RIMS1: variants seen among roughly 807,000 people sequenced by gnomAD.
The protein encoded by RIMS1 is regulating synaptic membrane exocytosis protein 1.
RIMS1 carries 83 observed loss-of-function variants against 214.1 expected under a neutral mutation model. The ratio of observed to expected loss-of-function variants is 0.39; its 90% CI spans 0.32 to 0.47. The LOEUF (loss-of-function observed/expected upper bound fraction) is 0.47. RIMS1 is among the 20% of genes least tolerant of loss of function. RIMS1 has a pLI of 0.99. For synonymous variants in RIMS1, 793 were observed against 786.8 expected (o/e 1.01, Z -0.13); for missense variants, 2,050 against 2,161.8 (o/e 0.95, Z 1.03).
At chr6:72,232,066 T>G (rs1395398245) in intron 6 of RIMS1, among the ~76,000 whole-genome samples, 1 of 151,662 alleles carries the variant, frequency 6.6e-6, no homozygotes, top group Non-Finnish European at 1.5e-5. Flanking sequence ...TGTCATTTTT[T>G]TAAACTTCAA....
At chr6:72,095,240 G>A (rs1006024346) in intron 2 of RIMS1, among the ~76,000 whole-genome samples, 2 of 150,520 alleles carry the variant, frequency 1.3e-5, no homozygotes, top group Admixed American at 6.7e-5. Flanking sequence ...TGGGATTACA[G>A]GCGTGAGCCA....
chr6:72,168,905 G>A (rs1016318380), intron 4 of RIMS1, among the ~76,000 whole-genome samples: 1 of 151,870 alleles, frequency 6.6e-6, no homozygotes, highest in African/African-American at 2.4e-5. Flanking sequence ...CTGTAACAAG[G>A]GTAGGCTAAG....
chr6:71,981,393 G>C (rs1798443045), intron 2 of RIMS1, among the ~76,000 whole-genome samples: 2 of 151,998 alleles, frequency 1.3e-5, no homozygotes, highest in South Asian at 2.1e-4. Flanking sequence ...TTCAGGTCAG[G>C]ATTCATTGGC....
At chr6:72,202,853 A>G (rs910686498) in intron 6 of RIMS1, among the ~76,000 whole-genome samples, 5 of 152,142 alleles carry the variant, frequency 3.3e-5, no homozygotes, top group African/African-American at 9.7e-5. Flanking sequence ...CTCAAGTTCA[A>G]TCGTTTTAGA....
intron 2 of RIMS1, among the ~76,000 whole-genome samples, chr6:72,009,345 A>G (rs1371019594): frequency 6.6e-6 from 1 of 152,224 alleles, no homozygotes; most frequent in African/African-American, 2.4e-5. Context: ...GGAAATTTAT[A>G]GCAGTAAATG....
At chr6:72,265,347 T>C in intron 20 of RIMS1, 43 bp from the exon 21 acceptor site, 1 of 1,088,524 alleles carries the variant, frequency 9.2e-7, no homozygotes, top group East Asian at 2.6e-5. Context: ...ATTTTAATTA[T>C]AATTTATTTT....
chr6:71,986,190 G>GTTTTTTTTTTTTTTTTTTT (rs35395914), intron 2 of RIMS1, among the ~76,000 whole-genome samples: 1 of 131,782 alleles, frequency 7.6e-6, no homozygotes. Context: ...TTTGGGTTTT[G>GTTTTTTTTTTTTTTTTTTT]TTTTTTTTTT....
At chr6:72,237,735 C>A (rs1055843863) in intron 8 of RIMS1, 88 bp from the exon 9 acceptor site, 2 of 942,410 alleles carry the variant, frequency 2.1e-6, no homozygotes, top group African/African-American at 1.7e-5. Context: ...TCAAGTGTAT[C>A]ATAAAAGAAT....
At chr6:72,055,316 C>A (rs144349903) in intron 2 of RIMS1, among the ~76,000 whole-genome samples, 45 of 152,222 alleles carry the variant, frequency 3.0e-4, no homozygotes, top group African/African-American at 9.9e-4. Flanking sequence ...ATATTTATTT[C>A]TCACAAGTAC....
At chr6:71,956,062 G>A (rs1791178963) in intron 1 of RIMS1, among the ~76,000 whole-genome samples, 1 of 151,712 alleles carries the variant, frequency 6.6e-6, no homozygotes, top group Admixed American at 6.6e-5. Context: ...TTTCTCTATA[G>A]GTAAAAGAAG....
intron 2 of RIMS1, among the ~76,000 whole-genome samples, chr6:72,083,621 C>T (rs1833947635): frequency 6.6e-6 from 1 of 152,152 alleles, no homozygotes. Flanking sequence ...TACTCAGAAA[C>T]TTAAAAGCGA....
intron 1 of RIMS1, among the ~76,000 whole-genome samples, chr6:71,967,452 C>T (rs1030615623): frequency 3.9e-5 from 6 of 152,178 alleles, no homozygotes; most frequent in African/African-American, 9.6e-5. Context: ...TAAAGATTTT[C>T]GAATGCTTTG....
At chr6:72,352,597 G>A (rs1159929680) in intron 29 of RIMS1, among the ~76,000 whole-genome samples, 1 of 152,102 alleles carries the variant, frequency 6.6e-6, no homozygotes, top group Non-Finnish European at 1.5e-5. Context: ...ATAATTTGAG[G>A]CAGATGCTCA....
At chr6:72,002,278 T>C (rs1345363971) in intron 2 of RIMS1, among the ~76,000 whole-genome samples, 4 of 150,554 alleles carry the variant, frequency 2.7e-5, no homozygotes, top group Non-Finnish European at 5.9e-5. Context: ...TTACTAAGGC[T>C]CCAACAGGAG....
intron 33 of RIMS1, among the ~76,000 whole-genome samples, chr6:72,399,648 A>G (rs914208003): frequency 5.7e-5 from 8 of 140,320 alleles, no homozygotes; most frequent in Admixed American, 5.5e-4. Context: ...TAACATGTGC[A>G]ATAAGTATCA....
chr6:72,037,941 C>T (rs1357135414), intron 2 of RIMS1, among the ~76,000 whole-genome samples: 2 of 150,772 alleles, frequency 1.3e-5, no homozygotes, highest in Non-Finnish European at 3.0e-5. Context: ...CTGAACTGCA[C>T]CTCGAGTTGC....
At chr6:71,967,997 G>A (rs1407001984) in intron 1 of RIMS1, among the ~76,000 whole-genome samples, 1 of 152,102 alleles carries the variant, frequency 6.6e-6, no homozygotes, top group Non-Finnish European at 1.5e-5. Context: ...ATATGAGCAG[G>A]GTAGTCAAAT....
rs766715883 is a variant in RIMS1 at position 72,237,873 on chromosome 6, C to T, written c.1908C>T (p.Thr636=). 8 of 1,613,272 alleles carry T rather than the reference C, an allele frequency of 5.0e-6. 1 individual carries two copies. The South Asian group carries it at 8.8e-5, about 18-fold the overall frequency. ...TAGGACGACTTGGTGCTTTCATCAC[C>T]AAAGTAAAGAAGGGTAGCCTAGCAG... is the stretch of plus-strand genomic sequence containing the variant. ...TDLGRLGAFI[T]KVKKGSLADV... is the part of the protein sequence containing the mutation. The change falls in exon 9 of 34, where the codon ACC becomes ACT. Residue 636 remains threonine, a synonymous_variant. Coordinates refer to ENST00000521978, the MANE Select transcript of RIMS1 (RefSeq NM_014989.7).
At chr6:72,261,056 A>C in intron 19 of RIMS1, 2 of 1,224,964 alleles carry the variant, frequency 1.6e-6, no homozygotes, top group Non-Finnish European at 2.1e-6. Context: ...TCTGCAATTA[A>C]AATTCTAAAT....
Sources: allele counts gnomAD v4.1 joint callset (sites outside exome capture counted in the v4.1 genomes callset), GRCh38; gene constraint gnomAD v4.1.1; transcripts MANE v1.5; gene names NCBI Gene and HGNC (gene_info 2026-07-23, HGNC 2026-07-21).